SP140: variants seen among roughly 807,000 people sequenced by gnomAD.
SP140 encodes SP140 nuclear body protein, also known as nuclear body protein SP140.
In SP140, 81 loss-of-function variants were observed where a neutral mutation model predicts 125.0. That is an observed-to-expected ratio of 0.65 (90% CI 0.54 to 0.78). The LOEUF is 0.78. Among genes scored for constraint, SP140 ranks in the 30% least tolerant of loss-of-function variants. The pLI is 0.00. For missense variants in SP140, 858 were observed against 1,037.0 expected, an observed-to-expected ratio of 0.83 and a Z score of 2.37; for synonymous variants, 312 against 354.0, an observed-to-expected ratio of 0.88 and a Z score of 1.33.
At chr2:230,218,516 G>T (rs1213866867) in intron 3 of SP140, among the ~76,000 whole-genome samples, 2 of 152,176 alleles carry the variant, frequency 1.3e-5, no homozygotes, top group African/African-American at 4.8e-5. Flanking sequence ...CAAAGTCAGA[G>T]AAAGGCAGAG....
At chr2:230,244,173 A>G in intron 5 of SP140, among the ~76,000 whole-genome samples, 1 of 152,226 alleles carries the variant, frequency 6.6e-6, no homozygotes, top group East Asian at 1.9e-4. Flanking sequence ...AAACTAAATG[A>G]TAATTTTTGC....
chr2:230,250,557 G>A lies in SP140; in HGVS notation c.977-424G>A, dbSNP rs1015314851. Among the ~76,000 whole-genome samples, 3 of 152,090 alleles carry A rather than the reference G, an allele frequency of 2.0e-5. No homozygotes were observed. In the South Asian group the frequency reaches 6.2e-4, roughly 32 times the overall value. ...TTTCCTGATGCCCAGTATGAGAAAG[G>A]GGGTGACAAGGAAATAAATGAGATG... On this transcript the variant is annotated intron_variant, in intron 9 of 26. Coordinates refer to ENST00000392045, the MANE Select transcript of SP140 (RefSeq NM_007237.5).
At chr2:230,208,114 A>G (rs749672134) in intron 1 of SP140, 3 of 993,378 alleles carry the variant, frequency 3.0e-6, no homozygotes, top group South Asian at 1.3e-5. Context: ...CCAATCTTGT[A>G]TGTCAATGAT....
intron 1 of SP140, among the ~76,000 whole-genome samples, chr2:230,227,983 C>T (rs536751023): frequency 3.9e-5 from 6 of 151,952 alleles, no homozygotes; most frequent in East Asian, 1.9e-4. Flanking sequence ...TCTCTAGTTT[C>T]CTCAGATGAA....
chr2:230,221,368 A>G (rs2045805236), upstream of SP140, among the ~76,000 whole-genome samples: 1 of 152,216 alleles, frequency 6.6e-6, no homozygotes, highest in East Asian at 1.9e-4. Flanking sequence ...CCCTACCAGG[A>G]CATCCACAAA....
At chr2:230,288,592 G>T (rs1223377533) in intron 18 of SP140, among the ~76,000 whole-genome samples, 1 of 150,470 alleles carries the variant, frequency 6.6e-6, no homozygotes, top group African/African-American at 2.5e-5. Flanking sequence ...ATCTACATTA[G>T]GTATTTCTCC....
rs188007453 is a variant in SP140 at position 230,240,897 on chromosome 2, C to A, written c.407-507C>A. ...ATTCATAATAACTAAAATCTGGAAC[C>A]AACCCAAATGCTCATCAACGGAGGG... On this transcript the variant is annotated intron_variant, in intron 3 of 26. Coordinates refer to ENST00000392045, the MANE Select transcript of SP140 (RefSeq NM_007237.5). Among the ~76,000 whole-genome samples the A allele has an allele frequency of 4.0e-4, 61 of 152,224 alleles. 1 individual carries two copies. The East Asian group carries it at 7.1e-3, about 18-fold the overall frequency.
chr2:230,188,189 T>C, the SP140 span, among the ~76,000 whole-genome samples: 2 of 152,212 alleles, frequency 1.3e-5, no homozygotes, highest in African/African-American at 4.8e-5. Flanking sequence ...GTTCTCCCTG[T>C]AGAAATCTTT....
rs1359026445 is a variant in SP140, at chr2:230,207,963, C to T, written c.-323+4684C>T. The T allele has an allele frequency of 5.9e-6, 7 of 1,191,552 alleles. No homozygotes were observed. The Admixed American group carries it at 1.1e-4, about 18-fold the overall frequency. The allele number at this position is 1,191,552 out of a possible 1,614,324, so 73.8% of individuals were successfully genotyped here. On this transcript the variant is annotated intron_variant, in intron 1 of 4. Transcript: ENST00000456542. ...GCCCTGCATGAGCTGTTTCCAGCCT[C>T]CAGCTTCCTCTTGTACTCTCATCTT... is the stretch of plus-strand genomic sequence containing the variant.
intron 5 of SP140, among the ~76,000 whole-genome samples, chr2:230,244,635 G>T (rs577891740): frequency 6.6e-6 from 1 of 152,284 alleles, no homozygotes; most frequent in South Asian, 2.1e-4. Flanking sequence ...AAATCCAGAA[G>T]AAGAGAACCA....
At chr2:230,203,958 T>A (rs1207029929) in intron 1 of SP140, among the ~76,000 whole-genome samples, 3 of 152,234 alleles carry the variant, frequency 2.0e-5, no homozygotes, top group Non-Finnish European at 4.4e-5. Flanking sequence ...TTAATACCAT[T>A]GAGCTATGCA....
intron 18 of SP140, 159 bp downstream of exon 18, chr2:230,288,125 C>A: frequency 1.5e-6 from 1 of 665,582 alleles, no homozygotes; most frequent in Non-Finnish European, 2.4e-6. Flanking sequence ...CAAAATGTGT[C>A]AAGGAAAGAA....
At chr2:230,305,642 G>T (rs1398932392) in intron 22 of SP140, among the ~76,000 whole-genome samples, 1 of 152,252 alleles carries the variant, frequency 6.6e-6, no homozygotes, top group Admixed American at 6.5e-5. Flanking sequence ...GGCCAGTGGT[G>T]GTTCGGCACT....
At chr2:230,245,124 G>T (rs779774625) in intron 6 of SP140, 44 bp downstream of exon 6, 1 of 1,348,068 alleles carries the variant, frequency 7.4e-7, no homozygotes, top group Non-Finnish European at 1.1e-6. Flanking sequence ...AAATTAGTTG[G>T]CCTATCTCTA....
intron 22 of SP140, among the ~76,000 whole-genome samples, chr2:230,302,030 A>G (rs1247147035): frequency 6.6e-6 from 1 of 152,202 alleles, no homozygotes; most frequent in Admixed American, 6.5e-5. Context: ...GTTAAAAAAG[A>G]CAAAGAGCGA....
upstream of SP140, among the ~76,000 whole-genome samples, chr2:230,225,311 G>A (rs1343958059): frequency 1.3e-5 from 2 of 152,212 alleles, no homozygotes; most frequent in African/African-American, 4.8e-5. Context: ...GGAGTGCTAA[G>A]AGCATCTCCC....
At chr2:230,209,845 G>C (rs2044275354) in intron 1 of SP140, 8 of 824,640 alleles carry the variant, frequency 9.7e-6, no homozygotes, top group Non-Finnish European at 1.7e-5. Flanking sequence ...TCACATAGTG[G>C]TGCTCTTGAC....
intron 1 of SP140, among the ~76,000 whole-genome samples, chr2:230,233,252 C>T (rs1029325660): frequency 6.6e-5 from 10 of 152,012 alleles, no homozygotes; most frequent in African/African-American, 2.4e-4. Context: ...AAATTTATAA[C>T]TATATCATTT....
chr2:230,239,167 T>C (rs2048374660), intron 3 of SP140: 1 of 657,530 alleles, frequency 1.5e-6, no homozygotes, highest in Non-Finnish European at 2.1e-6. Context: ...TTTCATATTA[T>C]GATACATCCA....
Sources: allele counts gnomAD v4.1 joint callset (sites outside exome capture counted in the v4.1 genomes callset), GRCh38; gene constraint gnomAD v4.1.1; transcripts MANE v1.5; gene names NCBI Gene and HGNC (gene_info 2026-07-23, HGNC 2026-07-21).